The following BBOX1 variants were observed in gnomAD, a reference collection of about 807,000 sequenced individuals.
BBOX1 encodes gamma-butyrobetaine dioxygenase.
A neutral mutation model predicts 41.6 loss-of-function variants in BBOX1; 35 were observed. The ratio of observed to expected loss-of-function variants is 0.84; its 90% CI spans 0.64 to 1.11. BBOX1 has a LOEUF of 1.11. Ranked by LOEUF, BBOX1 falls within the 50% of genes most tolerant of loss-of-function variation. BBOX1 has a pLI of 0.00. For synonymous variants in BBOX1, 163 were observed against 154.7 expected, an observed-to-expected ratio of 1.05 and a Z score of -0.40; for missense variants, 458 against 460.6, an observed-to-expected ratio of 0.99 and a Z score of 0.05.
chr11:27,077,408 C>T (rs949100841), intron 4 of BBOX1, among the ~76,000 whole-genome samples: 2 of 152,092 alleles, frequency 1.3e-5, no homozygotes, highest in Admixed American at 6.5e-5. Context: ...TATCTGCCCT[C>T]GCACTCTGGG....
Position 27,125,798 on chromosome 11 carries a change from G to C in BBOX1, c.981G>C (p.Lys327Asn). ...ACCTCATGAACAGCAAAGAATCCAA[G>C]TTTACCTTCAAGATGAATCCAGGTC... is the stretch of plus-strand genomic sequence containing the variant. ...FVDLMNSKES[K>N]FTFKMNPGDV... Residue 327 changes from lysine (K) to asparagine (N), a missense_variant, in exon 8 of 9, where the codon AAG becomes AAC. Lys to Asn is a moderately conservative substitution (Grantham distance 94). Transcript: ENST00000263182. The C allele has an allele frequency of 6.2e-7, 1 of 1,610,828 alleles. No individual in the cohort carries two copies. Among genetic ancestry groups the C allele is most frequent in the African/African-American group, 1.3e-5 (1 of 74,904 alleles).
intron 2 of BBOX1, among the ~76,000 whole-genome samples, chr11:27,046,539 T>C (rs956184786): frequency 6.6e-6 from 1 of 152,084 alleles, no homozygotes; most frequent in African/African-American, 2.4e-5. Context: ...AAGGCTGTTT[T>C]TCAGAACAGG....
chr11:27,049,324 T>C (rs1851596801), intron 2 of BBOX1, among the ~76,000 whole-genome samples: 1 of 152,186 alleles, frequency 6.6e-6, no homozygotes, highest in African/African-American at 2.4e-5. Flanking sequence ...TACCTGATGA[T>C]AATTGATAGC....
At chr11:27,050,710 A>C (rs2133951459) in intron 2 of BBOX1, among the ~76,000 whole-genome samples, 1 of 152,212 alleles carries the variant, frequency 6.6e-6, no homozygotes, top group Middle Eastern at 3.4e-3. Flanking sequence ...AACTTTACTA[A>C]ATTTATTAGT....
At chr11:27,081,407 A>G (rs1372205498) in intron 4 of BBOX1, among the ~76,000 whole-genome samples, 1 of 152,136 alleles carries the variant, frequency 6.6e-6, no homozygotes, top group Non-Finnish European at 1.5e-5. Context: ...ATGGCTGCAT[A>G]GTATTCTATA....
At chr11:27,069,538 C>CT (rs1264466182) in intron 4 of BBOX1, among the ~76,000 whole-genome samples, 1 of 152,074 alleles carries the variant, frequency 6.6e-6, no homozygotes, top group Non-Finnish European at 1.5e-5. Flanking sequence ...TTGACTTCCT[C>CT]TTTTCCAATT....
intron 4 of BBOX1, among the ~76,000 whole-genome samples, chr11:27,077,439 G>T (rs951226028): frequency 6.6e-6 from 1 of 152,024 alleles, no homozygotes; most frequent in East Asian, 1.9e-4. Context: ...TTTCCACCTG[G>T]CTTACAGTGA....
At chr11:27,118,707 C>T (rs576927788) in intron 6 of BBOX1, among the ~76,000 whole-genome samples, 1 of 151,940 alleles carries the variant, frequency 6.6e-6, no homozygotes, top group East Asian at 1.9e-4. Flanking sequence ...CATCTTTTTT[C>T]TATTTGAAGA....
intron 4 of BBOX1, among the ~76,000 whole-genome samples, chr11:27,079,738 A>C (rs1399024244): frequency 6.6e-6 from 1 of 152,078 alleles, no homozygotes; most frequent in Non-Finnish European, 1.5e-5. Flanking sequence ...CAAAGGAAAA[A>C]TTAACCGTTG....
chr11:27,044,667 C>G (rs1363468315), intron 2 of BBOX1, among the ~76,000 whole-genome samples: 2 of 152,138 alleles, frequency 1.3e-5, no homozygotes, highest in African/African-American at 4.8e-5. Flanking sequence ...GCCAGTTTTC[C>G]CAACACCATT....
chr11:27,066,523 T>A (rs1365577601), intron 4 of BBOX1: 1 of 140,536 alleles, frequency 7.1e-6, no homozygotes, highest in Non-Finnish European at 1.6e-5. Flanking sequence ...TGCTTCAAAA[T>A]GGCAGAACAT....
chr11:27,073,819 A>T (rs1857544524), intron 4 of BBOX1, among the ~76,000 whole-genome samples: 1 of 151,974 alleles, frequency 6.6e-6, no homozygotes, highest in Admixed American at 6.6e-5. Flanking sequence ...AGGACAAAAA[A>T]CCAAACACTT....
At chr11:27,075,349 C>G (rs189021737) in intron 4 of BBOX1, among the ~76,000 whole-genome samples, 62 of 152,190 alleles carry the variant, frequency 4.1e-4, no homozygotes, top group African/African-American at 1.5e-3. Flanking sequence ...TAGCAGAGGT[C>G]TCTTTAAGCT....
At chr11:27,126,417 A>G (rs180819684) in intron 8 of BBOX1, among the ~76,000 whole-genome samples, 28 of 152,270 alleles carry the variant, frequency 1.8e-4, no homozygotes, top group African/African-American at 6.0e-4. Flanking sequence ...TTATAGGGGG[A>G]AAAAATACAA....
intron 5 of BBOX1, among the ~76,000 whole-genome samples, chr11:27,097,737 G>A (rs950454927): frequency 2.0e-5 from 3 of 151,976 alleles, no homozygotes; most frequent in African/African-American, 7.2e-5. Context: ...TGGATAACAG[G>A]AAGGTGATCC....
intron 5 of BBOX1, among the ~76,000 whole-genome samples, chr11:27,104,075 A>G (rs193085590): frequency 6.6e-6 from 1 of 151,628 alleles, no homozygotes; most frequent in South Asian, 2.1e-4. Flanking sequence ...CTCAATATGC[A>G]CTCTTCTCAG....
chr11:27,088,210 T>C (rs2134031157), intron 4 of BBOX1, among the ~76,000 whole-genome samples: 1 of 152,188 alleles, frequency 6.6e-6, no homozygotes, highest in East Asian at 1.9e-4. Context: ...ATGAACAATG[T>C]AGTCAAAATA....
chr11:27,114,237 C>T (rs984931707), intron 5 of BBOX1, among the ~76,000 whole-genome samples: 7 of 151,744 alleles, frequency 4.6e-5, no homozygotes, highest in Non-Finnish European at 7.4e-5. Context: ...TAAAACATTG[C>T]TGACAGAAGT....
chr11:27,088,893 C>T (rs1219995471), intron 4 of BBOX1, among the ~76,000 whole-genome samples: 1 of 151,928 alleles, frequency 6.6e-6, no homozygotes, highest in Non-Finnish European at 1.5e-5. Context: ...AGCACTGTGC[C>T]TGACCTATTC....
Sources: allele counts gnomAD v4.1 joint callset (sites outside exome capture counted in the v4.1 genomes callset), GRCh38; gene constraint gnomAD v4.1.1; transcripts MANE v1.5; gene names NCBI Gene and HGNC (gene_info 2026-07-23, HGNC 2026-07-21).